The following SNRPN variants were observed in gnomAD, a reference collection of about 807,000 sequenced individuals.
SNRPN encodes the protein small nuclear ribonucleoprotein-associated protein N.
Under a neutral mutation model 25.2 loss-of-function variants are expected in SNRPN, and 7 were observed. The ratio of observed to expected loss-of-function variants is 0.28; its 90% CI spans 0.16 to 0.52. SNRPN has a LOEUF of 0.52. Among genes scored for constraint, SNRPN ranks in the 20% least tolerant of loss-of-function variants. The pLI, the probability that SNRPN is intolerant of heterozygous loss-of-function variation, is 0.96. For missense variants in SNRPN, 196 were observed against 322.5 expected, an observed-to-expected ratio of 0.61 and a Z score of 3.00; for synonymous variants, 124 against 110.6, an observed-to-expected ratio of 1.12 and a Z score of -0.76.
chr15:24,930,994 G>A (rs992254220), intron 3 of SNRPN, among the ~76,000 whole-genome samples: 3 of 151,922 alleles, frequency 2.0e-5, no homozygotes, highest in African/African-American at 7.2e-5. Context: ...TGGGTGCAGT[G>A]AGCCAAGATC....
chr15:24,843,068 C>T (rs12437599), intron 2 of SNRPN, among the ~76,000 whole-genome samples: 24,631 of 151,918 alleles, frequency 0.16, 2,366 homozygotes, highest in South Asian at 0.21. Context: ...CCACAATTTA[C>T]TCAATTGTTT....
intron 1 of SNRPN, among the ~76,000 whole-genome samples, chr15:24,874,775 T>A (rs1285684117): frequency 6.6e-6 from 1 of 152,198 alleles, no homozygotes; most frequent in Non-Finnish European, 1.5e-5. Context: ...AAATGTGATG[T>A]CACCAAAGTT....
intron 2 of SNRPN, among the ~76,000 whole-genome samples, chr15:24,847,412 G>A (rs1481504722): frequency 1.3e-5 from 2 of 152,102 alleles, no homozygotes; most frequent in African/African-American, 4.8e-5. Flanking sequence ...AGGCCGAGGC[G>A]GGCAGATCAC....
chr15:24,962,436 G>T (rs1192909913), intron 2 of SNRPN, among the ~76,000 whole-genome samples: 2 of 152,112 alleles, frequency 1.3e-5, no homozygotes, highest in African/African-American at 2.4e-5. Context: ...ACGTGGGTAA[G>T]TGCATTTTAT....
chr15:24,914,352 T>C (rs1342762837), intron 2 of SNRPN, among the ~76,000 whole-genome samples: 1 of 152,092 alleles, frequency 6.6e-6, no homozygotes, highest in Non-Finnish European at 1.5e-5. Context: ...GAAGTACCTT[T>C]CAAAAGATAC....
intron 1 of SNRPN, among the ~76,000 whole-genome samples, chr15:24,877,805 T>G (rs537778512): frequency 6.6e-6 from 1 of 152,080 alleles, no homozygotes; most frequent in East Asian, 1.9e-4. Flanking sequence ...TAAGCCAAGA[T>G]CGGGCCACTG....
At chr15:24,950,703 A>G (rs1274312124), upstream of SNRPN, among the ~76,000 whole-genome samples, 1 of 150,866 alleles carries the variant, frequency 6.6e-6, no homozygotes, top group Admixed American at 6.6e-5. Flanking sequence ...GTGCAACACC[A>G]CATTTGGCTT....
chr15:24,914,253 C>A (rs2059392550), intron 2 of SNRPN, among the ~76,000 whole-genome samples: 1 of 152,148 alleles, frequency 6.6e-6, no homozygotes, highest in East Asian at 1.9e-4. Context: ...TGGCCTCCCA[C>A]AAGAGCCAGG....
intron 2 of SNRPN, among the ~76,000 whole-genome samples, chr15:24,917,157 A>C (rs368520100): frequency 2.6e-5 from 4 of 152,134 alleles, no homozygotes; most frequent in African/African-American, 9.7e-5. Flanking sequence ...AAGACAGAAA[A>C]GTTCTCCAAG....
At chr15:24,870,888 CTTT>C (rs1341817612) in intron 1 of SNRPN, among the ~76,000 whole-genome samples, 1 of 147,662 alleles carries the variant, frequency 6.8e-6, no homozygotes, top group African/African-American at 2.5e-5. Flanking sequence ...TTGTTTGTTT[CTTT>C]GTTTTTTGAG....
At position 24,834,751 on chromosome 15, in the gene SNRPN, C is replaced by CTATATATATATA. The variant is rs796257838; in HGVS notation, c.-579+4863_-579+4874dup. Among the ~76,000 whole-genome samples the CTATATATATATA allele has an allele frequency of 3.9e-4, 24 of 60,950 alleles. 1 individual carries two copies. Among genetic ancestry groups the CTATATATATATA allele is most frequent in the Non-Finnish European group, 6.0e-4 (18 of 30,232 alleles). The allele number at this position is 60,950 out of a possible 152,430, so 40.0% of individuals were successfully genotyped here. A position where few individuals can be genotyped will look rare whatever the true frequency, so the allele number is the denominator to read the frequency against. ...TCCCTCTCTCTCTCTCTCTCTCTCT[C>CTATATATATATA]TATATATATATATATATATATATAT... On this transcript the variant is annotated intron_variant, in intron 2 of 12. Coordinates refer to the SNRPN transcript ENST00000400100.
chr15:24,847,318 G>C (rs1309673589), intron 2 of SNRPN, among the ~76,000 whole-genome samples: 1 of 152,104 alleles, frequency 6.6e-6, no homozygotes, highest in Non-Finnish European at 1.5e-5. Context: ...AACTTAATTT[G>C]AGCAGGATTT....
Position 24,830,691 on chromosome 15 carries a change from A to G in SNRPN, c.-579+786A>G, listed in dbSNP as rs182810996. Among the ~76,000 whole-genome samples, 230 of 152,134 alleles carry G rather than the reference A, an allele frequency of 1.5e-3. 1 individual carries two copies. In the Middle Eastern group the frequency reaches 0.027, roughly 18 times the overall value. Reference sequence around the variant, plus strand: ...CTCTTGAGATTTCTTTGACCCATGTATTATTTGGAAATGAATTATATAATC... The same window carrying G: ...CTCTTGAGATTTCTTTGACCCATGTGTTATTTGGAAATGAATTATATAATC... On this transcript the variant is annotated intron_variant, in intron 2 of 12. Transcript: ENST00000400100.
chr15:24,918,922 AATAT>A lies in SNRPN; in HGVS notation c.-504-1082_-504-1079del, dbSNP rs201107870. ...ATATATGTGCACATATATATAACAT[AATAT>A]ATATATGCGCACATATATATAACAT... On this transcript the variant is annotated intron_variant, in intron 2 of 11. Transcript: ENST00000400097. 8.6e-4 allele frequency among the ~76,000 whole-genome samples: 26 copies of A among 30,348 alleles called. 2 individuals carry two copies. The highest frequency in any genetic ancestry group is 1.2e-3 in the Admixed American group (3 of 2,418). 19.9% of individuals were successfully genotyped at this position (30,348 alleles called of 152,430 possible). A position where few individuals can be genotyped will look rare whatever the true frequency, so the allele number is the denominator to read the frequency against.
intron 3 of SNRPN, among the ~76,000 whole-genome samples, chr15:24,941,211 A>T (rs1297574359): frequency 6.6e-6 from 1 of 152,200 alleles, no homozygotes; most frequent in Non-Finnish European, 1.5e-5. Flanking sequence ...TCCTGAGCTC[A>T]GGTGATCCAT....
intron 2 of SNRPN, among the ~76,000 whole-genome samples, chr15:24,918,584 CATAATATATATGTATATAT>C (rs1566909332): frequency 0.011 from 903 of 79,774 alleles, 57 homozygotes; most frequent in Non-Finnish European, 0.015. Context: ...ATATATATAA[CATAATATATATGTATATAT>C]ATAACATAAT....
chr15:24,921,133 T>C (rs970050943), intron 3 of SNRPN: 20 of 152,188 alleles, frequency 1.3e-4, no homozygotes, highest in African/African-American at 4.3e-4. Flanking sequence ...CCAAGGCTCT[T>C]CTGACAGGCT....
At chr15:24,907,020 G>T (rs2058844684) in intron 2 of SNRPN, among the ~76,000 whole-genome samples, 1 of 151,962 alleles carries the variant, frequency 6.6e-6, no homozygotes, top group African/African-American at 2.4e-5. Context: ...ATCAAAGGAG[G>T]CAAGAGAACT....
At chr15:24,911,874 C>T (rs1445277374) in intron 2 of SNRPN, among the ~76,000 whole-genome samples, 1 of 152,184 alleles carries the variant, frequency 6.6e-6, no homozygotes, top group East Asian at 1.9e-4. Context: ...GTTCCTAGAC[C>T]CAGACCTGTA....
Sources: gnomAD v4.1 joint callset for allele counts (sites outside exome capture counted in the v4.1 genomes callset) on GRCh38, gnomAD v4.1.1 for gene constraint, MANE v1.5 for transcripts, NCBI Gene and HGNC (gene_info 2026-07-23, HGNC 2026-07-21) for gene names.